TRPC5: variants seen among roughly 807,000 people sequenced by gnomAD.
TRPC5 encodes short transient receptor potential channel 5.
A neutral mutation model predicts 56.5 loss-of-function variants in TRPC5; 9 were observed. The observed-to-expected ratio is 0.16, with a 90% CI of 0.10 to 0.28. The LOEUF (loss-of-function observed/expected upper bound fraction) is 0.28. Ranked by LOEUF, TRPC5 falls within the 10% of genes least tolerant of loss-of-function variation. The pLI, the probability that TRPC5 is intolerant of heterozygous loss-of-function variation, is 1.00. For missense variants in TRPC5, 469 were observed against 748.9 expected, an observed-to-expected ratio of 0.63 and a Z score of 4.36; for synonymous variants, 282 against 278.5, an observed-to-expected ratio of 1.01 and a Z score of -0.13.
At chrX:112,052,182 CTT>C (rs968639940) in intron 1 of TRPC5, among the ~76,000 whole-genome samples, 31 of 111,559 alleles carry the variant, frequency 2.8e-4, no homozygotes, top group African/African-American at 9.8e-4. Flanking sequence ...TATTTTTAAT[CTT>C]TTGAGGAACC....
intron 1 of TRPC5, among the ~76,000 whole-genome samples, chrX:112,027,505 C>CT (rs1454647150): frequency 1.3e-4 from 14 of 109,886 alleles, no homozygotes; most frequent in African/African-American, 2.0e-4. Flanking sequence ...CTTTTCTTTT[C>CT]TTTTTTTTTG....
At chrX:112,063,638 G>T (rs958336758) in intron 1 of TRPC5, among the ~76,000 whole-genome samples, 1 of 111,968 alleles carries the variant, frequency 8.9e-6, no homozygotes, top group African/African-American at 3.3e-5. Flanking sequence ...TTCCTCACAG[G>T]GGACTGGGTT....
intron 7 of TRPC5, among the ~76,000 whole-genome samples, chrX:111,785,123 C>G (rs1192424991): frequency 8.9e-6 from 1 of 112,344 alleles, no homozygotes; most frequent in African/African-American, 3.2e-5. Flanking sequence ...CAAGTGGGAC[C>G]CTGACCCTCG....
At chrX:111,803,030 G>C (rs937349572) in intron 7 of TRPC5, among the ~76,000 whole-genome samples, 1 of 109,989 alleles carries the variant, frequency 9.1e-6, no homozygotes, top group Non-Finnish European at 1.9e-5. Flanking sequence ...TCCACCCCTC[G>C]ACAAGCCCCA....
At chrX:111,932,548 C>T (rs1485903801) in intron 2 of TRPC5, among the ~76,000 whole-genome samples, 1 of 110,791 alleles carries the variant, frequency 9.0e-6, no homozygotes, top group East Asian at 2.9e-4. Flanking sequence ...CCCTGCCCAA[C>T]TAGACCCCTG....
intron 1 of TRPC5, among the ~76,000 whole-genome samples, chrX:112,049,085 GCT>G (rs1930143363): frequency 8.9e-6 from 1 of 111,853 alleles, no homozygotes; most frequent in Admixed American, 9.5e-5. Context: ...AAATAATCTT[GCT>G]GTTTTTCATA....
chrX:111,911,058 C>G (rs1315641103), intron 3 of TRPC5, among the ~76,000 whole-genome samples: 1 of 112,596 alleles, frequency 8.9e-6, no homozygotes, highest in Non-Finnish European at 1.9e-5. Flanking sequence ...CCATGTTGCT[C>G]TTTTTCATTT....
chrX:111,940,873 CT>C (rs1432212964), intron 2 of TRPC5, among the ~76,000 whole-genome samples: 1 of 111,206 alleles, frequency 9.0e-6, no homozygotes, highest in Non-Finnish European at 1.9e-5. Flanking sequence ...ATTTCAGTAA[CT>C]TTTCCTGATC....
chrX:111,885,655 G>A, intron 3 of TRPC5, among the ~76,000 whole-genome samples: 1 of 110,176 alleles, frequency 9.1e-6, no homozygotes. Flanking sequence ...CTTGAGATAG[G>A]TGTCAACATC....
In TRPC5 at chrX:111,909,259, G is replaced by A. The variant is rs778159306; in HGVS notation, c.900+3032C>T. On this transcript the variant is annotated intron_variant, in intron 3 of 10. Transcript: ENST00000262839. ...GCAGGAGAATCGATTGAACCCAGGA[G>A]TCGGAGGTTGCAGTAAGCTGAGATT... Among the ~76,000 whole-genome samples the A allele has an allele frequency of 4.6e-5, 5 of 108,160 alleles. No homozygotes were observed. The South Asian group carries it at 2.0e-3, about 43-fold the overall frequency. The allele number at this position is 108,160 out of a possible 115,157, so 93.9% of individuals were successfully genotyped here.
chrX:111,952,363 G>A lies in TRPC5; in HGVS notation c.58C>T (p.Leu20=), dbSNP rs148777982. The A allele has an allele frequency of 1.4e-3, 1,643 of 1,210,100 alleles. No homozygotes were observed. Among genetic ancestry groups the A allele is most frequent in the Middle Eastern group, 6.0e-3 (26 of 4,354 alleles). ...TCTGTCTCAGCCCTCACAATTTGCA[G>A]GGGGATGCGGTCTCTGTACGGTGAG... is the stretch of plus-strand genomic sequence containing the variant. ...NYSPYRDRIP[L]QIVRAETELS... The change falls in exon 2 of 11, where the codon CTG becomes TTG. Residue 20 remains leucine, a synonymous_variant. Coordinates refer to ENST00000262839, the MANE Select transcript of TRPC5 (RefSeq NM_012471.3).
At position 111,775,719 on chromosome X, in the gene TRPC5, T is replaced by A. The variant is rs1945872171; in HGVS notation, c.*594A>T. 1 of 112,360 alleles carries A rather than the reference T, an allele frequency of 8.9e-6. No individual in the cohort carries two copies. The highest frequency in any genetic ancestry group is 3.7e-4 in the South Asian group (1 of 2,695). 9.3% of individuals were successfully genotyped at this position (112,360 alleles called of 1,213,427 possible). On this transcript the variant is annotated 3_prime_UTR_variant, in exon 11 of 11. Coordinates refer to ENST00000262839, the MANE Select transcript of TRPC5 (RefSeq NM_012471.3). ...TAGCCCCCACAATAAGAAGTTGTAG[T>A]ATTTAAGAACGAAACAAGCCACTTA...
chrX:112,035,665 T>G (rs1929717761), intron 1 of TRPC5, among the ~76,000 whole-genome samples: 1 of 109,658 alleles, frequency 9.1e-6, no homozygotes, highest in African/African-American at 3.3e-5. Flanking sequence ...GGAGTCTCGC[T>G]CTGTCACCCA....
chrX:112,073,903 A>G (rs138293784), intron 1 of TRPC5, among the ~76,000 whole-genome samples: 2,063 of 111,815 alleles, frequency 0.018, 34 homozygotes, highest in Middle Eastern at 0.06. Context: ...TCACACAGCC[A>G]TTCAACATTA....
rs147093868 is a variant in TRPC5 at position 111,769,218 on chromosome X, C to T, written c.*7095G>A. Among the ~76,000 whole-genome samples, 743 of 111,563 alleles carry T rather than the reference C, an allele frequency of 6.7e-3. 3 individuals carry two copies. Among genetic ancestry groups the T allele is most frequent in the Non-Finnish European group, 9.7e-3 (516 of 53,050 alleles). ...CTGATAACAGCCTAGTCACCAGAGCCTCTGTGCTATACAATGTCATTTCTT... is the reference window on the plus strand; with the variant it reads ...CTGATAACAGCCTAGTCACCAGAGCTTCTGTGCTATACAATGTCATTTCTT... On this transcript the variant is annotated 3_prime_UTR_variant, in exon 11 of 11. Coordinates refer to ENST00000262839, the MANE Select transcript of TRPC5 (RefSeq NM_012471.3).
intron 1 of TRPC5, among the ~76,000 whole-genome samples, chrX:111,990,140 G>A (rs147007022): frequency 0.031 from 3,441 of 112,318 alleles, 129 homozygotes; most frequent in African/African-American, 0.11. Context: ...CTTTGCAGCC[G>A]GGTGTAGTGG....
chrX:111,964,519 T>C (rs1211673292), intron 1 of TRPC5, among the ~76,000 whole-genome samples: 3 of 111,543 alleles, frequency 2.7e-5, no homozygotes, highest in Non-Finnish European at 5.6e-5. Context: ...AGGCACATAA[T>C]TGTCAGATTC....
intron 2 of TRPC5, among the ~76,000 whole-genome samples, chrX:111,924,796 C>A: frequency 8.9e-6 from 1 of 112,687 alleles, no homozygotes; most frequent in Non-Finnish European, 1.9e-5. Flanking sequence ...AATACTGTTG[C>A]TGACCTGTTG....
intron 7 of TRPC5, among the ~76,000 whole-genome samples, chrX:111,787,223 A>C (rs1945974248): frequency 8.9e-6 from 1 of 112,303 alleles, no homozygotes; most frequent in Admixed American, 9.5e-5. Flanking sequence ...ACCACAGTGC[A>C]ATCAAATTAG....
Sources: allele counts gnomAD v4.1 joint callset (sites outside exome capture counted in the v4.1 genomes callset), GRCh38; gene constraint gnomAD v4.1.1; transcripts MANE v1.5; gene names NCBI Gene and HGNC (gene_info 2026-07-23, HGNC 2026-07-21).